Variants in CHST8 observed in about 807,000 individuals in gnomAD.
The protein encoded by CHST8 is carbohydrate sulfotransferase 8, also known as GALNAC-4-ST1.
CHST8 carries 10 observed loss-of-function variants against 15.0 expected under a neutral mutation model. That is an observed-to-expected ratio of 0.67 (90% CI 0.41 to 1.13). The LOEUF (loss-of-function observed/expected upper bound fraction) is 1.13, where lower values mean the gene tolerates loss of function less well. CHST8 is among the 50% of genes most tolerant of loss of function. The pLI is 0.00. For synonymous variants in CHST8, 259 were observed against 256.6 expected, an observed-to-expected ratio of 1.01 and a Z score of -0.09; for missense variants, 634 against 608.2, an observed-to-expected ratio of 1.04 and a Z score of -0.45.
At chr19:33,705,151 G>A (rs994515425) in intron 3 of CHST8, among the ~76,000 whole-genome samples, 3 of 152,092 alleles carry the variant, frequency 2.0e-5, no homozygotes, top group Non-Finnish European at 4.4e-5. Flanking sequence ...TATACCCCCT[G>A]GGAGGACACA....
chr19:33,661,909 G>T (rs954777916), intron 1 of CHST8, among the ~76,000 whole-genome samples: 2 of 150,976 alleles, frequency 1.3e-5, no homozygotes, highest in African/African-American at 4.9e-5. Context: ...GGTGGTGTGT[G>T]CCTGTAGTCC....
intron 3 of CHST8, among the ~76,000 whole-genome samples, chr19:33,754,885 G>C (rs1050651557): frequency 2.0e-5 from 3 of 152,238 alleles, no homozygotes; most frequent in Non-Finnish European, 4.4e-5. Flanking sequence ...TGCAGGGCCA[G>C]GTCTTGATGG....
intron 3 of CHST8, among the ~76,000 whole-genome samples, chr19:33,764,054 C>G (rs1974785826): frequency 6.6e-6 from 1 of 152,234 alleles, no homozygotes; most frequent in African/African-American, 2.4e-5. Context: ...CACCTGCTGC[C>G]CAGATGCGTG....
At position 33,675,628 on chromosome 19, in the gene CHST8, C is replaced by T. The variant is rs79661834; in HGVS notation, c.-87+7785C>T. Among the ~76,000 whole-genome samples, 1,254 of 152,336 alleles carry T rather than the reference C, an allele frequency of 8.2e-3. 12 individuals carry two copies. Among genetic ancestry groups the T allele is most frequent in the African/African-American group, 0.029 (1,213 of 41,578 alleles). The stretch of plus-strand genomic sequence containing the variant: ...GGCAACACCCCAGCCTCCTTCCTGC[C>T]CCACTGAGGAGGCTGCCCTGTAGGT... On this transcript the variant is annotated intron_variant, in intron 2 of 4. Transcript: ENST00000650847.
Position 33,771,464 on chromosome 19 carries a change from G to A in CHST8, c.168+14G>A, listed in dbSNP as rs1271511895. On this transcript the variant is annotated intron_variant, in intron 4 of 4. Transcript: ENST00000650847. Reference sequence around the variant, plus strand: ...CAGCCCCACCACGTAAGTTCTGAGAGTCAGATAAATCTCAGTGCACACAGC... The same window carrying A: ...CAGCCCCACCACGTAAGTTCTGAGAATCAGATAAATCTCAGTGCACACAGC... 1 of 1,613,622 alleles carries A rather than the reference G, an allele frequency of 6.2e-7. No individual in the cohort carries two copies. Among genetic ancestry groups the A allele is most frequent in the Non-Finnish European group, 8.5e-7 (1 of 1,179,552 alleles).
At chr19:33,712,286 T>C (rs925134295) in intron 3 of CHST8, among the ~76,000 whole-genome samples, 3 of 152,168 alleles carry the variant, frequency 2.0e-5, no homozygotes, top group Middle Eastern at 3.2e-3. Context: ...CACTCAACAC[T>C]GGACAGAAGA....
chr19:33,662,433 G>T (rs2145223152), intron 1 of CHST8, among the ~76,000 whole-genome samples: 1 of 152,288 alleles, frequency 6.6e-6, no homozygotes, highest in African/African-American at 2.4e-5. Context: ...GCCTGGAAGT[G>T]CCCTCCCCTA....
intron 3 of CHST8, among the ~76,000 whole-genome samples, chr19:33,757,450 GAAAGAAAGAAAGAAA>G (rs1974585456): frequency 6.4e-5 from 2 of 31,020 alleles, no homozygotes; most frequent in South Asian, 2.3e-3. Context: ...AAGAAAGAAA[GAAAGAAAGAAAGAAA>G]GAAAGAAAGA....
chr19:33,711,992 G>A (rs576831928), intron 3 of CHST8, among the ~76,000 whole-genome samples: 3 of 152,290 alleles, frequency 2.0e-5, no homozygotes, highest in South Asian at 2.1e-4. Context: ...CAGCGACAAC[G>A]TGGAAGTTTA....
At chr19:33,679,941 T>C (rs1386780401) in intron 2 of CHST8, among the ~76,000 whole-genome samples, 1 of 152,144 alleles carries the variant, frequency 6.6e-6, no homozygotes, top group African/African-American at 2.4e-5. Flanking sequence ...ATCCAGCTAC[T>C]GAGTAAGGGG....
chr19:33,630,707 G>A (rs1972111763), intron 1 of CHST8, among the ~76,000 whole-genome samples: 1 of 152,088 alleles, frequency 6.6e-6, no homozygotes, highest in African/African-American at 2.4e-5. Flanking sequence ...GCCAGTGCGT[G>A]GTACAGGCAG....
At chr19:33,755,289 A>C (rs1034942892) in intron 3 of CHST8, among the ~76,000 whole-genome samples, 6 of 152,160 alleles carry the variant, frequency 3.9e-5, no homozygotes, top group African/African-American at 1.2e-4. Flanking sequence ...GCAGCCCTTC[A>C]TTCTGTAATC....
rs556509824 is a variant in CHST8, at chr19:33,628,236, C to T, written c.-164+5940C>T. On this transcript the variant is annotated intron_variant, in intron 1 of 4. Transcript: ENST00000650847. ...CCTGTGGAGGGAATGTGTGAGAGGG[C>T]ATGAGGAGCACCATCTGGGAGCTGT... Among the ~76,000 whole-genome samples, 5 of 152,208 alleles carry T rather than the reference C, an allele frequency of 3.3e-5. No individual in the cohort carries two copies. The South Asian group carries it at 1.0e-3, about 32-fold the overall frequency.
intron 3 of CHST8, among the ~76,000 whole-genome samples, chr19:33,762,972 G>T (rs1974767735): frequency 6.6e-6 from 1 of 151,622 alleles, no homozygotes; most frequent in Non-Finnish European, 1.5e-5. Flanking sequence ...AGGTTCAAGT[G>T]ATTCTCCTGC....
intron 3 of CHST8, among the ~76,000 whole-genome samples, chr19:33,727,890 C>A (rs1463936319): frequency 1.3e-5 from 2 of 152,208 alleles, no homozygotes; most frequent in Non-Finnish European, 2.9e-5. Flanking sequence ...ACTGCTGGGC[C>A]CTTCACTCGG....
rs552921621 is a variant in CHST8 at position 33,678,597 on chromosome 19, C to T, written c.-86-10579C>T. Among the ~76,000 whole-genome samples, 13 of 152,160 alleles carry T rather than the reference C, an allele frequency of 8.5e-5. No homozygotes were observed. In the East Asian group the frequency reaches 2.3e-3, roughly 27 times the overall value. On this transcript the variant is annotated intron_variant, in intron 2 of 4. Coordinates refer to ENST00000650847, the MANE Select transcript of CHST8 (RefSeq NM_001127895.2). ...CTTCTACAAAAAATTAAACATTTAACCAGGCACTGTTAAATTGAGTAGTCC... is the reference window on the plus strand; with the variant it reads ...CTTCTACAAAAAATTAAACATTTAATCAGGCACTGTTAAATTGAGTAGTCC...
chr19:33,734,196 G>A (rs144043859), intron 3 of CHST8, among the ~76,000 whole-genome samples: 2,714 of 152,168 alleles, frequency 0.018, 74 homozygotes, highest in African/African-American at 0.061. Context: ...GACCTCTGGT[G>A]GTCCTCACTG....
At chr19:33,747,405 A>G (rs1354329230) in intron 3 of CHST8, among the ~76,000 whole-genome samples, 2 of 152,212 alleles carry the variant, frequency 1.3e-5, no homozygotes, top group Admixed American at 6.5e-5. Flanking sequence ...ACATGCTGGT[A>G]AACCCCTTCT....
intron 1 of CHST8, among the ~76,000 whole-genome samples, chr19:33,636,184 C>T (rs1351758234): frequency 6.6e-6 from 1 of 151,808 alleles, no homozygotes; most frequent in Non-Finnish European, 1.5e-5. Flanking sequence ...TTTTACGAGT[C>T]GATGCTAATT....
Sources: allele counts gnomAD v4.1 joint callset (sites outside exome capture counted in the v4.1 genomes callset), GRCh38; gene constraint gnomAD v4.1.1; transcripts MANE v1.5; gene names NCBI Gene and HGNC (gene_info 2026-07-23, HGNC 2026-07-21).